The following TRAPPC9 variants were observed in gnomAD, a reference collection of about 807,000 sequenced individuals.
The protein encoded by TRAPPC9 is IKK2 binding protein.
In TRAPPC9, 83 loss-of-function variants were observed where a neutral mutation model predicts 124.0. The ratio of observed to expected loss-of-function variants is 0.67; its 90% CI spans 0.56 to 0.80. TRAPPC9 has a LOEUF of 0.80. Ranked by LOEUF, TRAPPC9 falls within the 30% of genes least tolerant of loss-of-function variation. TRAPPC9 has a pLI of 0.00. For synonymous variants in TRAPPC9, 638 were observed against 617.5 expected, an observed-to-expected ratio of 1.03 and a Z score of -0.49; for missense variants, 1,302 against 1,508.3, an observed-to-expected ratio of 0.86 and a Z score of 2.27.
chr8:140,189,280 C>T (rs1354552797), intron 17 of TRAPPC9, among the ~76,000 whole-genome samples: 4 of 152,298 alleles, frequency 2.6e-5, no homozygotes, highest in East Asian at 3.9e-4. Flanking sequence ...GGTTCGTTTC[C>T]GCATGGCCAC....
upstream of TRAPPC9, chr8:140,458,222 G>A (rs1224486096): frequency 7.1e-6 from 11 of 1,550,596 alleles, no homozygotes; most frequent in East Asian, 2.4e-4. Flanking sequence ...TAGGAGGAAA[G>A]CTTCTGCACC....
intron 17 of TRAPPC9, among the ~76,000 whole-genome samples, chr8:140,161,328 G>A (rs943843117): frequency 6.6e-6 from 1 of 152,134 alleles, no homozygotes; most frequent in Non-Finnish European, 1.5e-5. Context: ...GCGTGCAGCC[G>A]AGTCAAGATT....
intron 16 of TRAPPC9, among the ~76,000 whole-genome samples, chr8:140,250,306 G>A (rs899254496): frequency 6.6e-6 from 1 of 152,268 alleles, no homozygotes; most frequent in East Asian, 1.9e-4. Flanking sequence ...AGCTATCTAT[G>A]GCCGACACTG....
At chr8:140,047,253 C>T (rs772542430) in intron 17 of TRAPPC9, among the ~76,000 whole-genome samples, 2 of 152,264 alleles carry the variant, frequency 1.3e-5, no homozygotes, top group Admixed American at 6.5e-5. Flanking sequence ...AAAACACATG[C>T]TCCTCGGCGG....
intron 21 of TRAPPC9, among the ~76,000 whole-genome samples, chr8:139,758,918 C>T (rs11781035): frequency 0.24 from 36,200 of 152,134 alleles, 6,084 homozygotes; most frequent in African/African-American, 0.48. Context: ...TAGCCAAGCA[C>T]CTGTGGAGCC....
chr8:139,972,055 A>C (rs960022537), intron 19 of TRAPPC9, among the ~76,000 whole-genome samples: 1 of 151,844 alleles, frequency 6.6e-6, no homozygotes, highest in Non-Finnish European at 1.5e-5. Flanking sequence ...CGAACTCCTG[A>C]CCTCAAGTCA....
At chr8:139,761,365 A>G (rs1020886308) in intron 21 of TRAPPC9, among the ~76,000 whole-genome samples, 4 of 152,210 alleles carry the variant, frequency 2.6e-5, no homozygotes, top group African/African-American at 7.2e-5. Flanking sequence ...ACAGCCGGAC[A>G]TGAAGCTTGT....
chr8:139,752,502 C>G (rs935011900), intron 21 of TRAPPC9, among the ~76,000 whole-genome samples: 39 of 151,634 alleles, frequency 2.6e-4, no homozygotes, highest in Admixed American at 2.6e-3. Context: ...ATCCACCCAT[C>G]TACCATCCAT....
At chr8:140,081,473 G>A (rs1031957071) in intron 17 of TRAPPC9, among the ~76,000 whole-genome samples, 1 of 150,754 alleles carries the variant, frequency 6.6e-6, no homozygotes. Flanking sequence ...AGCCTCCTAA[G>A]TAGCTGGAAT....
intron 19 of TRAPPC9, among the ~76,000 whole-genome samples, chr8:139,958,945 CCGAG>C (rs1835185767): frequency 7.4e-6 from 1 of 134,690 alleles, no homozygotes; most frequent in African/African-American, 2.7e-5. Context: ...GCACTGCATT[CCGAG>C]TCACACGGGG....
At chr8:140,419,727 T>A (rs1006314618) in intron 5 of TRAPPC9, among the ~76,000 whole-genome samples, 1 of 150,778 alleles carries the variant, frequency 6.6e-6, no homozygotes, top group African/African-American at 2.4e-5. Context: ...CTACTAAAAA[T>A]ACAAAAAAAT....
rs188446592 is a variant in TRAPPC9, at chr8:139,883,552, C to A, written c.3055+2327G>T. On this transcript the variant is annotated intron_variant, in intron 21 of 22. Coordinates refer to ENST00000438773, the MANE Select transcript of TRAPPC9 (RefSeq NM_001160372.4). ...GAGAGGCGTCCTGGGGCCAAACCAA[C>A]TTCCTAGTCCTGGCTCTAATTGTCC... Among the ~76,000 whole-genome samples the A allele has an allele frequency of 2.6e-5, 4 of 152,378 alleles. No homozygotes were observed. In the East Asian group the frequency reaches 5.8e-4, roughly 22 times the overall value.
intron 18 of TRAPPC9, among the ~76,000 whole-genome samples, chr8:139,998,063 G>A (rs540547253): frequency 2.0e-5 from 3 of 152,004 alleles, no homozygotes; most frequent in Non-Finnish European, 4.4e-5. Flanking sequence ...CCTACACAGG[G>A]AGACAATGCA....
At chr8:140,300,722 G>C (rs2065952186) in intron 10 of TRAPPC9, 108 bp from the exon 11 acceptor site, 2 of 1,394,522 alleles carry the variant, frequency 1.4e-6, no homozygotes, top group Admixed American at 1.7e-5. Flanking sequence ...CAGTCAGAAG[G>C]AAGATAAATG....
chr8:139,851,718 A>G (rs963909699), intron 21 of TRAPPC9, among the ~76,000 whole-genome samples: 23 of 152,230 alleles, frequency 1.5e-4, no homozygotes, highest in East Asian at 1.3e-3. Flanking sequence ...AAATGTTTAC[A>G]TTTGATGATC....
chr8:140,434,967 C>A (rs2070760872), intron 4 of TRAPPC9, 145 bp downstream of exon 4: 5 of 1,266,522 alleles, frequency 3.9e-6, no homozygotes, highest in South Asian at 2.9e-5. Context: ...AAGACTCTGT[C>A]TCAAAAAAAA....
At chr8:139,987,562 AG>A (rs1837320780) in intron 19 of TRAPPC9, among the ~76,000 whole-genome samples, 5 of 152,168 alleles carry the variant, frequency 3.3e-5, no homozygotes, top group Non-Finnish European at 7.3e-5. Context: ...AGAGAGAGAG[AG>A]AGAGAAAGAT....
chr8:140,445,160 T>A (rs975123246), intron 2 of TRAPPC9, among the ~76,000 whole-genome samples: 11 of 152,178 alleles, frequency 7.2e-5, no homozygotes, highest in African/African-American at 2.7e-4. Flanking sequence ...GTTTCCCCCA[T>A]GGTAAGAAAC....
chr8:139,784,440 G>T (rs999104264), intron 21 of TRAPPC9, among the ~76,000 whole-genome samples: 1 of 151,914 alleles, frequency 6.6e-6, no homozygotes, highest in Non-Finnish European at 1.5e-5. Flanking sequence ...TGGGTATGGT[G>T]GCGGGCACCT....
Sources: gnomAD v4.1 joint callset for allele counts (sites outside exome capture counted in the v4.1 genomes callset) on GRCh38, gnomAD v4.1.1 for gene constraint, MANE v1.5 for transcripts, NCBI Gene and HGNC (gene_info 2026-07-23, HGNC 2026-07-21) for gene names.